RFX4: variants seen among roughly 807,000 people sequenced by gnomAD.
RFX4 encodes the protein transcription factor RFX4.
Under a neutral mutation model 95.0 loss-of-function variants are expected in RFX4, and 10 were observed. That is an observed-to-expected ratio of 0.11 (90% CI 0.06 to 0.18). The LOEUF is 0.18. RFX4 is among the 10% of genes least tolerant of loss of function. The pLI is 1.00. For synonymous variants in RFX4, 321 were observed against 340.7 expected (o/e 0.94, Z 0.64); for missense variants, 640 against 922.0 (o/e 0.69, Z 3.96).
chr12:106,741,601 T>C (rs562433322), intron 15 of RFX4, among the ~76,000 whole-genome samples: 4 of 152,314 alleles, frequency 2.6e-5, no homozygotes, highest in African/African-American at 7.2e-5. Context: ...CGAGTGGCTA[T>C]AGGATAGGGC....
intron 1 of RFX4, among the ~76,000 whole-genome samples, chr12:106,607,998 G>C (rs2039873337): frequency 6.6e-6 from 1 of 152,128 alleles, no homozygotes; most frequent in African/African-American, 2.4e-5. Context: ...TTCAAGACCA[G>C]CCTGGCCAAC....
chr12:106,732,160 A>T lies in RFX4; in HGVS notation c.1382A>T (p.Asp461Val). 1 of 1,613,842 alleles carries T rather than the reference A, an allele frequency of 6.2e-7. No homozygotes were observed. The highest frequency in any genetic ancestry group is 8.5e-7 in the Non-Finnish European group (1 of 1,179,830). The stretch of plus-strand genomic sequence containing the variant: ...TTTCACCTAATTCACTTAATGTTTG[A>T]TGACTACGTGCTCTACCTGTTAGAA... ...GSFHLIHLMF[D>V]DYVLYLLESL... The change falls in exon 14 of 18, where the codon GAT (aspartate) becomes GTT (valine). Residue 461 changes from aspartate to valine, a missense_variant. Around this residue, in one of 7 missense-constraint regions of RFX4, gnomAD observed 20 missense variants for 52.3 expected, o/e 0.38. Transcript: ENST00000392842.
chr12:106,630,646 T>G (rs756295630), intron 2 of RFX4, among the ~76,000 whole-genome samples: 1 of 152,212 alleles, frequency 6.6e-6, no homozygotes, highest in Non-Finnish European at 1.5e-5. Flanking sequence ...GTCAGTATAA[T>G]GAAAGGAAAT....
chr12:106,605,354 T>C (rs1242621480), intron 1 of RFX4, among the ~76,000 whole-genome samples: 1 of 152,178 alleles, frequency 6.6e-6, no homozygotes, highest in Non-Finnish European at 1.5e-5. Flanking sequence ...CTTCCAGTCA[T>C]AGGAAGCTAC....
intron 2 of RFX4, among the ~76,000 whole-genome samples, chr12:106,620,814 C>A (rs563143701): frequency 9.2e-5 from 14 of 152,192 alleles, no homozygotes; most frequent in African/African-American, 2.9e-4. Flanking sequence ...CAGACACTCC[C>A]AGAGCGGCTG....
At chr12:106,638,241 C>T (rs2137276939) in intron 2 of RFX4, among the ~76,000 whole-genome samples, 1 of 152,276 alleles carries the variant, frequency 6.6e-6, no homozygotes, top group South Asian at 2.1e-4. Context: ...CTCCTGACCT[C>T]AAGTGATCCA....
chr12:106,726,429 G>A (rs1254532782), intron 13 of RFX4, among the ~76,000 whole-genome samples: 1 of 152,056 alleles, frequency 6.6e-6, no homozygotes, highest in African/African-American at 2.4e-5. Context: ...ATAAGGAAAT[G>A]ATTGTATTCT....
At chr12:106,708,545 A>G (rs1450136176) in intron 8 of RFX4, among the ~76,000 whole-genome samples, 1 of 152,052 alleles carries the variant, frequency 6.6e-6, no homozygotes, top group Non-Finnish European at 1.5e-5. Flanking sequence ...AGTGGGTGAA[A>G]GGCTGAACCA....
intron 16 of RFX4, 110 bp downstream of exon 16, chr12:106,747,709 C>G (rs2042921086): frequency 7.9e-7 from 1 of 1,258,506 alleles, no homozygotes. Flanking sequence ...CAAGGTGGGC[C>G]TTGAAGTCAG....
intron 7 of RFX4, among the ~76,000 whole-genome samples, chr12:106,695,715 G>A (rs1040542668): frequency 1.3e-5 from 2 of 152,120 alleles, no homozygotes; most frequent in African/African-American, 4.8e-5. Flanking sequence ...GGAGCTTTGG[G>A]AAATGGAAGA....
chr12:106,732,278 C>A lies in RFX4; in HGVS notation c.1471+29C>A, dbSNP rs777065721. Reference sequence around the variant, plus strand: ...AGCCAGCATTTTCCTGGGAATTGCACCACTTGGTAATGTTATTTGTATCCT... The same window carrying A: ...AGCCAGCATTTTCCTGGGAATTGCAACACTTGGTAATGTTATTTGTATCCT... On this transcript the variant is annotated intron_variant, in intron 14 of 17. Transcript: ENST00000392842. The A allele has an allele frequency of 4.8e-5, 78 of 1,612,110 alleles. 2 individuals carry two copies. In the South Asian group the frequency reaches 7.8e-4, roughly 16 times the overall value.
intron 7 of RFX4, 151 bp downstream of exon 7, chr12:106,689,515 A>G: frequency 1.5e-6 from 1 of 671,808 alleles, no homozygotes; most frequent in Non-Finnish European, 2.7e-6. Flanking sequence ...ATGAGATCCC[A>G]TGAAGCAGGT....
At chr12:106,643,219 G>C (rs989595373) in intron 3 of RFX4, among the ~76,000 whole-genome samples, 1 of 152,166 alleles carries the variant, frequency 6.6e-6, no homozygotes, top group Non-Finnish European at 1.5e-5. Context: ...CTCCCAGTAG[G>C]GGGAACAATG....
At chr12:106,623,987 C>T (rs1011478526) in intron 2 of RFX4, among the ~76,000 whole-genome samples, 3 of 152,178 alleles carry the variant, frequency 2.0e-5, no homozygotes, top group Admixed American at 6.5e-5. Context: ...ATTTTGTCCC[C>T]GAGTTAGTAC....
Position 106,747,296 on chromosome 12 carries a change from G to A in RFX4, c.1634-141G>A, listed in dbSNP as rs189298320. The A allele has an allele frequency of 4.2e-4, 342 of 820,222 alleles. 2 individuals are homozygous for A. The East Asian group carries it at 7.6e-3, about 18-fold the overall frequency. The allele number at this position is 820,222 out of a possible 1,614,324, so 50.8% of individuals were successfully genotyped here. ...AGACAGGGGATGGGGGATGCCTCTG[G>A]TGAGCTCAGCAGAGTCAGAGATACA... On this transcript the variant is annotated intron_variant, in intron 15 of 17. Coordinates refer to ENST00000392842, the MANE Select transcript of RFX4 (RefSeq NM_213594.3).
At chr12:106,642,151 C>T (rs1178867265) in intron 3 of RFX4, among the ~76,000 whole-genome samples, 1 of 152,050 alleles carries the variant, frequency 6.6e-6, no homozygotes, top group Non-Finnish European at 1.5e-5. Context: ...GCTGGGATTA[C>T]AGGCATGCAC....
intron 2 of RFX4, among the ~76,000 whole-genome samples, chr12:106,613,753 CAT>C (rs1425918323): frequency 6.6e-6 from 1 of 152,176 alleles, no homozygotes; most frequent in African/African-American, 2.4e-5. Context: ...ATGCTGGCCT[CAT>C]AGAATAAATT....
chr12:106,595,420 C>T (rs1338147438), intron 1 of RFX4, among the ~76,000 whole-genome samples: 4 of 152,154 alleles, frequency 2.6e-5, no homozygotes, highest in Admixed American at 6.5e-5. Flanking sequence ...AGTGTACTGT[C>T]GTGGGTGTCA....
intron 17 of RFX4, among the ~76,000 whole-genome samples, chr12:106,754,486 G>C (rs2136100518): frequency 6.6e-6 from 1 of 152,342 alleles, no homozygotes; most frequent in South Asian, 2.1e-4. Flanking sequence ...TGCTCCAGTG[G>C]GAGACAGCAT....
Sources: gnomAD v4.1 joint callset for allele counts (sites outside exome capture counted in the v4.1 genomes callset) on GRCh38, gnomAD v4.1.1 for gene constraint, gnomAD v4.1.1 regional missense constraint, MANE v1.5 for transcripts, NCBI Gene and HGNC (gene_info 2026-07-23, HGNC 2026-07-21) for gene names.